Variants in HOMER2 observed in about 807,000 individuals in gnomAD.
HOMER2 encodes the protein homer scaffold protein 2.
A neutral mutation model predicts 47.0 loss-of-function variants in HOMER2; 27 were observed. The observed-to-expected ratio is 0.57, with a 90% CI of 0.42 to 0.79. The LOEUF is 0.79. Among genes scored for constraint, HOMER2 ranks in the 30% least tolerant of loss-of-function variants. The pLI is 0.00. For synonymous variants in HOMER2, 161 were observed against 163.8 expected (o/e 0.98, Z 0.13); for missense variants, 443 against 435.0 (o/e 1.02, Z -0.16).
At chr15:82,851,785 T>A (rs1001076404) in intron 7 of HOMER2, among the ~76,000 whole-genome samples, 1 of 152,206 alleles carries the variant, frequency 6.6e-6, no homozygotes, top group African/African-American at 2.4e-5. Flanking sequence ...ACATTTTAAA[T>A]TTTTTTAAAA....
At position 82,868,867 on chromosome 15, in the gene HOMER2, A is replaced by C. The variant is rs949728320; in HGVS notation, c.295-4608T>G. On this transcript the variant is annotated intron_variant, in intron 3 of 8. Transcript: ENST00000450735. ...CGCTCAGCTATATATATATATATAT[A>C]TTTAGACCTACAGTCCCATTGAGGT... Among the ~76,000 whole-genome samples the C allele has an allele frequency of 2.1e-5, 3 of 140,060 alleles. No homozygotes were observed. In the East Asian group the frequency reaches 6.6e-4, roughly 31 times the overall value. The allele number at this position is 140,060 out of a possible 152,430, so 91.9% of individuals were successfully genotyped here.
intron 1 of HOMER2, among the ~76,000 whole-genome samples, chr15:82,935,491 C>T (rs2054121740): frequency 6.6e-6 from 1 of 152,138 alleles, no homozygotes; most frequent in Admixed American, 6.5e-5. Flanking sequence ...GGTGACCTCA[C>T]TAGCCTTCTC....
chr15:82,929,740 T>G (rs901993866), intron 1 of HOMER2, among the ~76,000 whole-genome samples: 1 of 151,922 alleles, frequency 6.6e-6, no homozygotes, highest in African/African-American at 2.4e-5. Flanking sequence ...TTTTGTTGTT[T>G]TTTTTTTGAG....
intron 3 of HOMER2, among the ~76,000 whole-genome samples, chr15:82,868,624 C>T (rs1404709888): frequency 6.9e-6 from 1 of 144,370 alleles, no homozygotes; most frequent in Non-Finnish European, 1.5e-5. Flanking sequence ...TCTTGGCTCA[C>T]TGCAACGTCC....
At chr15:82,893,706 C>T (rs966952586) in intron 1 of HOMER2, among the ~76,000 whole-genome samples, 1 of 151,616 alleles carries the variant, frequency 6.6e-6, no homozygotes, top group Non-Finnish European at 1.5e-5. Flanking sequence ...CTCACTGCAG[C>T]CTGGATCTCT....
At chr15:82,921,540 C>G (rs1452418780) in intron 1 of HOMER2, among the ~76,000 whole-genome samples, 6 of 152,220 alleles carry the variant, frequency 3.9e-5, no homozygotes, top group African/African-American at 1.4e-4. Flanking sequence ...AACATCCACA[C>G]TCCCAGTCTT....
chr15:82,854,986 C>T (rs1227410823), intron 5 of HOMER2, among the ~76,000 whole-genome samples, 186 bp from the exon 6 acceptor site: 1 of 152,210 alleles, frequency 6.6e-6, no homozygotes, highest in Non-Finnish European at 1.5e-5. Flanking sequence ...GCCCCTCTCT[C>T]TGGTGTGAAC....
chr15:82,851,619 G>C (rs2051399014), intron 7 of HOMER2, among the ~76,000 whole-genome samples: 1 of 152,172 alleles, frequency 6.6e-6, no homozygotes, highest in Non-Finnish European at 1.5e-5. Context: ...GGCGCCGGGA[G>C]CTGGGCTGCG....
At chr15:82,908,939 C>T (rs1349389608) in intron 1 of HOMER2, among the ~76,000 whole-genome samples, 2 of 151,886 alleles carry the variant, frequency 1.3e-5, no homozygotes, top group Non-Finnish European at 2.9e-5. Context: ...GAAGACAACA[C>T]CAGGGAGCCC....
At chr15:82,929,276 G>C (rs1419718856) in intron 1 of HOMER2, among the ~76,000 whole-genome samples, 1 of 152,146 alleles carries the variant, frequency 6.6e-6, no homozygotes, top group Non-Finnish European at 1.5e-5. Context: ...GCTGAAACCT[G>C]AGAAAAAGGA....
At chr15:82,847,222 A>T (rs935466262), downstream of HOMER2, 3 of 152,278 alleles carry the variant, frequency 2.0e-5, no homozygotes, top group Non-Finnish European at 2.9e-5. Flanking sequence ...GCTCAAGGGA[A>T]CACCGTCCAG....
chr15:82,837,873 G>GA (rs1332748419), exon 2 of HOMER2: 12 of 152,282 alleles, frequency 7.9e-5, no homozygotes, highest in Admixed American at 2.0e-4. Context: ...TTTGCTAAAT[G>GA]AAAACATGAA....
chr15:82,956,303 G>C (rs897173753), upstream of HOMER2, among the ~76,000 whole-genome samples: 3 of 152,034 alleles, frequency 2.0e-5, no homozygotes, highest in Middle Eastern at 3.4e-3. Context: ...GGAGCATGAG[G>C]GGAGGGTTCC....
At chr15:82,850,415 C>G (rs1397968910) in intron 8 of HOMER2, among the ~76,000 whole-genome samples, 2 of 152,232 alleles carry the variant, frequency 1.3e-5, no homozygotes, top group Non-Finnish European at 2.9e-5. Flanking sequence ...GACAGCCAGT[C>G]TGTGCACCCT....
intron 3 of HOMER2, among the ~76,000 whole-genome samples, chr15:82,868,399 G>C (rs897809686): frequency 6.6e-6 from 1 of 150,984 alleles, no homozygotes; most frequent in Non-Finnish European, 1.5e-5. Flanking sequence ...ATATAGAGAA[G>C]AACAACACAC....
intron 1 of HOMER2, among the ~76,000 whole-genome samples, chr15:82,908,159 A>G (rs1463569485): frequency 6.6e-6 from 1 of 152,110 alleles, no homozygotes; most frequent in Admixed American, 6.6e-5. Flanking sequence ...GGGGAATGAA[A>G]ATGTTCTATA....
rs574541774 is a variant in HOMER2, at chr15:82,891,708, CAG to C, written c.162+975_162+976del. Among the ~76,000 whole-genome samples, 13 of 152,244 alleles carry C rather than the reference CAG, an allele frequency of 8.5e-5. 1 individual carries two copies. The South Asian group carries it at 1.9e-3, about 22-fold the overall frequency. ...CAGGTAGGAGATGAGGCAGCTACTG[CAG>C]GAGTCCAGGCAAGACTGTGATAGGA... On this transcript the variant is annotated intron_variant, in intron 2 of 8. Coordinates refer to ENST00000450735, the MANE Select transcript of HOMER2 (RefSeq NM_004839.4).
At chr15:82,946,820 C>T (rs1001466802) in intron 1 of HOMER2, among the ~76,000 whole-genome samples, 1 of 152,142 alleles carries the variant, frequency 6.6e-6, no homozygotes, top group African/African-American at 2.4e-5. Context: ...TCTTCCAGTT[C>T]GGATACTAAG....
chr15:82,940,083 G>T (rs1164147290), intron 1 of HOMER2, among the ~76,000 whole-genome samples: 1 of 152,128 alleles, frequency 6.6e-6, no homozygotes, highest in Non-Finnish European at 1.5e-5. Flanking sequence ...CGGGGGAGTG[G>T]GGAGGGAATA....
Sources: allele counts gnomAD v4.1 joint callset (sites outside exome capture counted in the v4.1 genomes callset), GRCh38; gene constraint gnomAD v4.1.1; transcripts MANE v1.5; gene names NCBI Gene and HGNC (gene_info 2026-07-23, HGNC 2026-07-21).